The following RSPO2 variants were observed in gnomAD, a reference collection of about 807,000 sequenced individuals.
The protein encoded by RSPO2 is R-spondin-2.
A neutral mutation model predicts 30.9 loss-of-function variants in RSPO2; 14 were observed. That is an observed-to-expected ratio of 0.45 (90% CI 0.30 to 0.71). RSPO2 has a LOEUF of 0.71. Among genes scored for constraint, RSPO2 ranks in the 30% least tolerant of loss-of-function variants. RSPO2 has a pLI of 0.08. For synonymous variants in RSPO2, 107 were observed against 96.4 expected (o/e 1.11, Z -0.64); for missense variants, 264 against 301.9 (o/e 0.87, Z 0.93).
chr8:107,909,464 T>C (rs534021546), intron 5 of RSPO2, among the ~76,000 whole-genome samples: 4 of 152,170 alleles, frequency 2.6e-5, no homozygotes, highest in South Asian at 4.1e-4. Context: ...GTTTTCACCA[T>C]GTTGGTCAGG....
chr8:107,960,109 T>C (rs1813575487), intron 4 of RSPO2, among the ~76,000 whole-genome samples: 1 of 152,186 alleles, frequency 6.6e-6, no homozygotes, highest in Admixed American at 6.5e-5. Flanking sequence ...TCTCAGAAGA[T>C]ATAAAATTTA....
At chr8:108,077,121 A>T (rs191589156) in intron 2 of RSPO2, among the ~76,000 whole-genome samples, 1 of 152,338 alleles carries the variant, frequency 6.6e-6, no homozygotes, top group African/African-American at 2.4e-5. Flanking sequence ...AAAGCGCTCT[A>T]AAAAATAAGT....
At chr8:107,960,371 T>C (rs574328374) in intron 4 of RSPO2, among the ~76,000 whole-genome samples, 6 of 152,234 alleles carry the variant, frequency 3.9e-5, no homozygotes, top group Non-Finnish European at 8.8e-5. Flanking sequence ...ACAAAATGTT[T>C]TTCTCTAACA....
intron 5 of RSPO2, among the ~76,000 whole-genome samples, chr8:107,939,277 A>T (rs531896062): frequency 2.6e-5 from 4 of 152,112 alleles, no homozygotes; most frequent in Non-Finnish European, 4.4e-5. Flanking sequence ...CCCCATGTGA[A>T]TACTCTGGAT....
chr8:107,964,433 G>A (rs1033937147), intron 3 of RSPO2, among the ~76,000 whole-genome samples: 20 of 152,138 alleles, frequency 1.3e-4, no homozygotes, highest in Admixed American at 1.1e-3. Context: ...TAGTAGAGAC[G>A]GGGTTTCACC....
intron 3 of RSPO2, among the ~76,000 whole-genome samples, chr8:107,985,134 A>T (rs989813305): frequency 6.6e-6 from 1 of 152,204 alleles, no homozygotes; most frequent in Admixed American, 6.5e-5. Flanking sequence ...GAAAAAGCAT[A>T]TTAAGACAAA....
At chr8:107,990,262 A>G (rs970554292) in intron 2 of RSPO2, among the ~76,000 whole-genome samples, 4 of 152,202 alleles carry the variant, frequency 2.6e-5, no homozygotes, top group Non-Finnish European at 5.9e-5. Flanking sequence ...AAAAAAACAG[A>G]AACGTTCCAA....
At chr8:107,957,573 C>T (rs926772434) in intron 5 of RSPO2, among the ~76,000 whole-genome samples, 12 of 152,280 alleles carry the variant, frequency 7.9e-5, no homozygotes, top group Admixed American at 2.6e-4. Context: ...CAAAGAGAAA[C>T]GGCTAATTGT....
chr8:107,936,482 C>A (rs1812726589), intron 5 of RSPO2, among the ~76,000 whole-genome samples: 1 of 151,982 alleles, frequency 6.6e-6, no homozygotes, highest in African/African-American at 2.4e-5. Flanking sequence ...GAATAAATAC[C>A]CAGCAGTGGG....
At chr8:107,932,490 T>C (rs1474671126) in intron 5 of RSPO2, among the ~76,000 whole-genome samples, 1 of 151,870 alleles carries the variant, frequency 6.6e-6, no homozygotes, top group Non-Finnish European at 1.5e-5. Flanking sequence ...AATATGAAGA[T>C]TAGGCGCTGG....
chr8:107,914,533 C>T (rs1041115684), intron 5 of RSPO2, among the ~76,000 whole-genome samples: 2 of 151,354 alleles, frequency 1.3e-5, no homozygotes, highest in Non-Finnish European at 2.9e-5. Context: ...TACTATGTAA[C>T]TAATCAAAAA....
At chr8:107,935,981 T>G (rs1242803209) in intron 5 of RSPO2, among the ~76,000 whole-genome samples, 1 of 152,134 alleles carries the variant, frequency 6.6e-6, no homozygotes, top group Non-Finnish European at 1.5e-5. Context: ...TCTTCTAGCT[T>G]CTTTGAAATA....
intron 2 of RSPO2, among the ~76,000 whole-genome samples, chr8:108,054,496 G>A (rs1812178442): frequency 6.6e-6 from 1 of 152,116 alleles, no homozygotes; most frequent in African/African-American, 2.4e-5. Flanking sequence ...CACATTCCAT[G>A]AGTCAAAACT....
Position 107,899,529 on chromosome 8 carries a change from T to C in RSPO2, c.*1546A>G, listed in dbSNP as rs1188589619. On this transcript the variant is annotated 3_prime_UTR_variant, in exon 6 of 6. Coordinates refer to ENST00000276659, the MANE Select transcript of RSPO2 (RefSeq NM_178565.5). ...TATGTGGCTTATTATCTCATAGCAATATTTTCATAACGATGTATATGATAT... is the reference window on the plus strand; with the variant it reads ...TATGTGGCTTATTATCTCATAGCAACATTTTCATAACGATGTATATGATAT... 1 of 152,602 alleles carries C rather than the reference T, an allele frequency of 6.6e-6. No individual in the cohort carries two copies. Among genetic ancestry groups the C allele is most frequent in the East Asian group, 1.9e-4 (1 of 5,188 alleles). 9.5% of individuals were successfully genotyped at this position (152,602 alleles called of 1,614,324 possible). A position where few individuals can be genotyped will look rare whatever the true frequency, so the allele number is the denominator to read the frequency against.
intron 2 of RSPO2, among the ~76,000 whole-genome samples, chr8:108,055,281 T>C (rs1466882559): frequency 6.6e-6 from 1 of 151,930 alleles, no homozygotes; most frequent in Non-Finnish European, 1.5e-5. Flanking sequence ...CAAGAGTGTA[T>C]GAGAGACAGA....
At chr8:107,980,040 C>A (rs1586597420) in intron 3 of RSPO2, among the ~76,000 whole-genome samples, 1 of 152,290 alleles carries the variant, frequency 6.6e-6, no homozygotes, top group East Asian at 1.9e-4. Flanking sequence ...TGACTCTCTG[C>A]TATGAGTACC....
chr8:108,044,280 T>C (rs947609549), intron 2 of RSPO2, among the ~76,000 whole-genome samples: 1 of 152,146 alleles, frequency 6.6e-6, no homozygotes, highest in Non-Finnish European at 1.5e-5. Flanking sequence ...ACACGCAGGT[T>C]TGTTATATGC....
chr8:108,057,405 A>G (rs1264503751), intron 2 of RSPO2, among the ~76,000 whole-genome samples: 1 of 152,144 alleles, frequency 6.6e-6, no homozygotes, highest in Admixed American at 6.6e-5. Flanking sequence ...TCTATTTTTC[A>G]AATTGCCAAC....
chr8:108,062,931 C>T (rs1812521462), intron 2 of RSPO2, among the ~76,000 whole-genome samples: 1 of 151,806 alleles, frequency 6.6e-6, no homozygotes, highest in African/African-American at 2.4e-5. Flanking sequence ...AGACAAAAAC[C>T]ACATCATTAT....
Sources: gnomAD v4.1 joint callset for allele counts (sites outside exome capture counted in the v4.1 genomes callset) on GRCh38, gnomAD v4.1.1 for gene constraint, MANE v1.5 for transcripts, NCBI Gene and HGNC (gene_info 2026-07-23, HGNC 2026-07-21) for gene names.